The following PRH1 variants were observed in gnomAD, a reference collection of about 807,000 sequenced individuals.
PRH1 encodes the protein salivary acidic proline-rich phosphoprotein 1/2.
PRH1 carries 7 observed loss-of-function variants against 7.9 expected under a neutral mutation model. The ratio of observed to expected loss-of-function variants is 0.89; its 90% confidence interval spans 0.50 to 1.67. The LOEUF (loss-of-function observed/expected upper bound fraction) is 1.67, where lower values mean the gene tolerates loss of function less well. Among genes scored for constraint, PRH1 ranks in the 40% most tolerant of loss-of-function variants. PRH1 has a pLI of 0.00. For missense variants in PRH1, 109 were observed against 223.6 expected, an observed-to-expected ratio of 0.49 and a Z score of 3.27; for synonymous variants, 45 against 80.8, an observed-to-expected ratio of 0.56 and a Z score of 2.38.
At chr12:11,043,173 T>C (rs1402826166) in intron 1 of PRH1, among the ~76,000 whole-genome samples, 1 of 152,150 alleles carries the variant, frequency 6.6e-6, no homozygotes, top group Non-Finnish European at 1.5e-5. Flanking sequence ...ATACATCATA[T>C]CAACAGAATG....
rs377475529 is a variant in PRH1, at chr12:11,025,264, G to A, written c.-126+21756C>T. Among the ~76,000 whole-genome samples the A allele has an allele frequency of 4.8e-3, 688 of 144,392 alleles. 7 individuals are homozygous for A. Among genetic ancestry groups the A allele is most frequent in the African/African-American group, 0.015 (615 of 40,164 alleles). 94.7% of individuals were successfully genotyped at this position (144,392 alleles called of 152,430 possible). A position where few individuals can be genotyped will look rare whatever the true frequency, so the allele number is the denominator to read the frequency against. On this transcript the variant is annotated intron_variant, in intron 1 of 3. Transcript: ENST00000539853. Reference sequence around the variant, plus strand: ...GTCATTAATTTGTAATGCTCCTTGCGTGTTCAACTTTGTATTTTCAGTAAT... The same window carrying A: ...GTCATTAATTTGTAATGCTCCTTGCATGTTCAACTTTGTATTTTCAGTAAT...
At chr12:10,899,289 T>A (rs1383127674) in intron 2 of PRH1, among the ~76,000 whole-genome samples, 2 of 149,070 alleles carry the variant, frequency 1.3e-5, no homozygotes, top group South Asian at 2.2e-4. Flanking sequence ...CATTTTTTTT[T>A]ATGTGAGAAG....
chr12:10,986,509 A>G (rs185218103), intron 1 of PRH1: 2 of 1,614,152 alleles, frequency 1.2e-6, no homozygotes, highest in African/African-American at 1.3e-5. Context: ...AAATGAAGAA[A>G]AAGAAGGTTG....
intron 1 of PRH1, among the ~76,000 whole-genome samples, chr12:10,992,995 A>G (rs1338973570): frequency 1.3e-5 from 2 of 152,232 alleles, no homozygotes; most frequent in African/African-American, 4.8e-5. Context: ...GGTCACCGAC[A>G]TGACAAAAAA....
chr12:11,163,047 ATTGT>A (rs1361926553), intron 1 of PRH1, among the ~76,000 whole-genome samples: 6 of 152,192 alleles, frequency 3.9e-5, no homozygotes, highest in East Asian at 1.9e-4. Context: ...TATGTTCTAT[ATTGT>A]TTAAGAATGG....
At chr12:11,150,620 T>C (rs974249477) in intron 1 of PRH1, among the ~76,000 whole-genome samples, 16 of 151,468 alleles carry the variant, frequency 1.1e-4, no homozygotes, top group Admixed American at 7.9e-4. Context: ...AATTGAACAA[T>C]GAGAACACAT....
chr12:11,138,134 A>T (rs1946607162), intron 1 of PRH1, among the ~76,000 whole-genome samples: 1 of 152,160 alleles, frequency 6.6e-6, no homozygotes, highest in Non-Finnish European at 1.5e-5. Flanking sequence ...TTAGGATTCT[A>T]TTTTGGGTTT....
At chr12:11,022,219 G>T in intron 1 of PRH1, 1 of 1,561,034 alleles carries the variant, frequency 6.4e-7, no homozygotes, top group Non-Finnish European at 8.7e-7. Context: ...TAGGTGGAGA[G>T]AAATAAGGTT....
intron 2 of PRH1, chr12:10,908,529 T>TA (rs1446641846): frequency 1.9e-6 from 3 of 1,613,904 alleles, no homozygotes; most frequent in Middle Eastern, 1.6e-4. Context: ...TGTGTTCTGA[T>TA]ACAGCTCAGA....
chr12:11,055,547 A>G (rs1387994622), intron 1 of PRH1, among the ~76,000 whole-genome samples: 2 of 152,264 alleles, frequency 1.3e-5, no homozygotes, highest in African/African-American at 2.4e-5. Context: ...TCTTAATGGA[A>G]AACATGATAA....
intron 1 of PRH1, among the ~76,000 whole-genome samples, chr12:11,089,913 C>G (rs1235780333): frequency 5.0e-5 from 5 of 100,690 alleles, no homozygotes; most frequent in African/African-American, 6.3e-5. Flanking sequence ...AATAGCCAAA[C>G]TTTTCCTTAG....
rs1338094827 is a variant in PRH1 at position 11,081,944 on chromosome 12, C to T, written n.124-34756G>A. On this transcript the variant is annotated intron_variant and non_coding_transcript_variant, in intron 1 of 4. Coordinates refer to the PRH1 transcript ENST00000541977. ...ATTTATACTAAAATCAAAATCTTTT[C>T]ATAGTGTTACATGGATTAGTTTAAT... Among the ~76,000 whole-genome samples the T allele has an allele frequency of 9.6e-3, 801 of 83,522 alleles. 2 individuals are homozygous for T. Among genetic ancestry groups the T allele is most frequent in the Middle Eastern group, 0.015 (3 of 196 alleles). 54.8% of individuals were successfully genotyped at this position (83,522 alleles called of 152,430 possible).
At chr12:11,170,953 A>T (rs1789558237) in intron 1 of PRH1, among the ~76,000 whole-genome samples, 1 of 152,272 alleles carries the variant, frequency 6.6e-6, no homozygotes, top group Non-Finnish European at 1.5e-5. Flanking sequence ...CTAACATCCC[A>T]CATAACACAG....
At chr12:10,899,758 T>A (rs1397311054) in intron 2 of PRH1, among the ~76,000 whole-genome samples, 1 of 152,138 alleles carries the variant, frequency 6.6e-6, no homozygotes, top group African/African-American at 2.4e-5. Context: ...GCTTCAGGTA[T>A]TCCTTTATAC....
chr12:11,142,457 C>T (rs1363661541), intron 1 of PRH1, among the ~76,000 whole-genome samples: 3 of 152,132 alleles, frequency 2.0e-5, no homozygotes, highest in African/African-American at 7.2e-5. Flanking sequence ...TTCAAAGCTG[C>T]CCTAATCAGG....
intron 1 of PRH1, among the ~76,000 whole-genome samples, chr12:11,087,127 AG>A (rs1944734707): frequency 9.1e-6 from 1 of 110,372 alleles, no homozygotes; most frequent in Admixed American, 9.1e-5. Context: ...TCTGAGACAC[AG>A]TCTCCCTCTG....
chr12:11,022,634 T>C, intron 1 of PRH1: 2 of 1,226,076 alleles, frequency 1.6e-6, no homozygotes, highest in South Asian at 1.5e-5. Flanking sequence ...AACATCCAGA[T>C]GTTAACTTCG....
chr12:11,014,318 AG>A (rs1007879388), intron 1 of PRH1, among the ~76,000 whole-genome samples: 1 of 152,218 alleles, frequency 6.6e-6, no homozygotes, highest in African/African-American at 2.4e-5. Context: ...CCAGTGGATA[AG>A]GATAAAATCA....
chr12:10,997,656 T>C (rs1047173607), intron 1 of PRH1: 4 of 1,613,472 alleles, frequency 2.5e-6, no homozygotes, highest in East Asian at 2.2e-5. Context: ...TTAGATGAAG[T>C]TGGATTCAAC....
Sources: allele counts gnomAD v4.1 joint callset (sites outside exome capture counted in the v4.1 genomes callset), GRCh38; gene constraint gnomAD v4.1.1; transcripts MANE v1.5; gene names NCBI Gene and HGNC (gene_info 2026-07-23, HGNC 2026-07-21).